The following FAR1 variants were observed in gnomAD, a reference collection of about 807,000 sequenced individuals.
FAR1 encodes fatty acyl-CoA reductase 1.
Under a neutral mutation model 61.1 loss-of-function variants are expected in FAR1, and 22 were observed. The ratio of observed to expected loss-of-function variants is 0.36; its 90% CI spans 0.26 to 0.51. The LOEUF is 0.51. Ranked by LOEUF, FAR1 falls within the 20% of genes least tolerant of loss-of-function variation. FAR1 has a pLI of 0.95. For synonymous variants in FAR1, 206 were observed against 209.7 expected (o/e 0.98, Z 0.15); for missense variants, 359 against 626.9 (o/e 0.57, Z 4.56).
At chr11:13,710,502 G>A (rs958739241) in intron 4 of FAR1, among the ~76,000 whole-genome samples, 191 bp from the exon 5 acceptor site, 2 of 152,036 alleles carry the variant, frequency 1.3e-5, no homozygotes, top group Non-Finnish European at 2.9e-5. Context: ...TACAGAAATT[G>A]CAGATAAGGG....
chr11:13,711,862 A>G lies in FAR1; in HGVS notation c.768+54A>G, dbSNP rs540440327. ...TTCTATACATTTTTCTGCTTTTTGT[A>G]TATCTTTAAATATATATACACTATG... On this transcript the variant is annotated intron_variant, in intron 6 of 11. Transcript: ENST00000354817. 1.5e-4 allele frequency: 230 copies of G among 1,542,352 alleles called. 2 individuals carry two copies. The South Asian group carries it at 2.2e-3, about 15-fold the overall frequency.
intron 3 of FAR1, among the ~76,000 whole-genome samples, chr11:13,701,317 TGATA>T (rs1409577827): frequency 1.3e-5 from 2 of 152,102 alleles, no homozygotes; most frequent in South Asian, 2.1e-4. Context: ...GTGTTTAAGA[TGATA>T]GATGTGCCAG....
chr11:13,696,197 C>G (rs1306959697), intron 2 of FAR1, among the ~76,000 whole-genome samples: 2 of 152,144 alleles, frequency 1.3e-5, no homozygotes, highest in African/African-American at 4.8e-5. Context: ...TAATTTTTCT[C>G]CTGATACTCC....
intron 9 of FAR1, among the ~76,000 whole-genome samples, chr11:13,717,990 G>T (rs1848573081): frequency 6.6e-6 from 1 of 152,054 alleles, no homozygotes; most frequent in African/African-American, 2.4e-5. Context: ...CCTATTAGAC[G>T]AAAGCCATAC....
At chr11:13,695,062 A>C in intron 2 of FAR1, 108 bp downstream of exon 2, 4 of 940,918 alleles carry the variant, frequency 4.3e-6, no homozygotes, top group Non-Finnish European at 5.8e-6. Context: ...TTCTGAAAAA[A>C]TTAGTAAAAC....
At chr11:13,728,510 G>T in intron 11 of FAR1, 102 bp from the exon 12 acceptor site, 1 of 1,041,802 alleles carries the variant, frequency 9.6e-7, no homozygotes, top group Non-Finnish European at 1.4e-6. Context: ...AAATTAATAT[G>T]GATTTGAGCT....
At chr11:13,723,788 C>G (rs1398854168) in intron 10 of FAR1, among the ~76,000 whole-genome samples, 1 of 152,154 alleles carries the variant, frequency 6.6e-6, no homozygotes, top group Non-Finnish European at 1.5e-5. Context: ...GATTCTGTGA[C>G]AGTCTGCCAG....
intron 8 of FAR1, among the ~76,000 whole-genome samples, chr11:13,713,527 T>A (rs1458256172): frequency 6.6e-6 from 1 of 152,156 alleles, no homozygotes; most frequent in East Asian, 1.9e-4. Context: ...TCACAGCAGA[T>A]ATACATGTTC....
At chr11:13,717,681 T>C (rs1042042844) in intron 9 of FAR1, among the ~76,000 whole-genome samples, 1 of 152,186 alleles carries the variant, frequency 6.6e-6, no homozygotes, top group Non-Finnish European at 1.5e-5. Context: ...TAAGGCCATA[T>C]AGTAAATATT....
chr11:13,707,477 T>G lies in FAR1; in HGVS notation c.366-423T>G, dbSNP rs890761879. Among the ~76,000 whole-genome samples the G allele has an allele frequency of 4.6e-5, 7 of 152,184 alleles. No individual in the cohort carries two copies. The South Asian group carries it at 1.0e-3, about 22-fold the overall frequency. On this transcript the variant is annotated intron_variant, in intron 3 of 11. Transcript: ENST00000354817. ...TGGCTGTATCACCCTTATTAGTGAC[T>G]CTACGTTAACATTTTAAAATTACTT...
Position 13,700,325 on chromosome 11 carries a change from C to A in FAR1, c.198C>A (p.Asp66Glu). The change falls in exon 3 of 12, where the codon GAC becomes GAA. Residue 66 changes from aspartate (D) to glutamate (E), a missense_variant. By Grantham distance (45) the Asp-to-Glu change is conservative. Transcript: ENST00000354817. ...VEEVLSGKLF[D>E]RLRDENPDFR... ...TTTTTCCCTCTTGATAGCTTTTTGA[C>A]AGATTGAGAGATGAAAATCCAGATT... 6.3e-7 allele frequency: 1 copy of A among 1,581,480 alleles called. No homozygotes were observed. The highest frequency in any genetic ancestry group is 1.9e-5 in the Admixed American group (1 of 52,094).
At chr11:13,672,744 T>A (rs994201282) in intron 1 of FAR1, among the ~76,000 whole-genome samples, 10 of 152,198 alleles carry the variant, frequency 6.6e-5, no homozygotes, top group African/African-American at 2.2e-4. Flanking sequence ...GGATTGTCAC[T>A]GATGGAAACT....
chr11:13,727,086 C>G (rs1409402406), intron 10 of FAR1, among the ~76,000 whole-genome samples: 1 of 152,016 alleles, frequency 6.6e-6, no homozygotes, highest in Non-Finnish European at 1.5e-5. Flanking sequence ...AGCCAGCTTT[C>G]ATAACATATC....
At chr11:13,719,087 A>G (rs1204605524) in intron 9 of FAR1, among the ~76,000 whole-genome samples, 1 of 152,116 alleles carries the variant, frequency 6.6e-6, no homozygotes, top group Non-Finnish European at 1.5e-5. Flanking sequence ...TGTTGGTTCT[A>G]AGTTATTTTC....
At chr11:13,679,131 T>C (rs866536113) in intron 1 of FAR1, among the ~76,000 whole-genome samples, 2 of 152,166 alleles carry the variant, frequency 1.3e-5, no homozygotes, top group African/African-American at 2.4e-5. Flanking sequence ...AAAAAAGATA[T>C]TGCAATTCTG....
At chr11:13,722,360 C>T (rs1361346606) in intron 10 of FAR1, among the ~76,000 whole-genome samples, 1 of 152,018 alleles carries the variant, frequency 6.6e-6, no homozygotes, top group Non-Finnish European at 1.5e-5. Flanking sequence ...TATTTATAGC[C>T]TCCTTCTTAA....
intron 4 of FAR1, among the ~76,000 whole-genome samples, chr11:13,709,316 A>T (rs1346878728): frequency 6.6e-6 from 1 of 152,088 alleles, no homozygotes; most frequent in Non-Finnish European, 1.5e-5. Context: ...TTTCTCACTC[A>T]TTTTCTTAGA....
intron 11 of FAR1, 67 bp downstream of exon 11, chr11:13,727,750 T>C: frequency 1.4e-6 from 2 of 1,443,062 alleles, no homozygotes; most frequent in South Asian, 1.3e-5. Context: ...ATTTTTTTGG[T>C]AAACTGGTAT....
At chr11:13,672,590 C>T (rs943200781) in intron 1 of FAR1, among the ~76,000 whole-genome samples, 4 of 150,484 alleles carry the variant, frequency 2.7e-5, no homozygotes, top group African/African-American at 9.8e-5. Flanking sequence ...TTAGTGGGGA[C>T]AAGCATTCAA....
Sources: gnomAD v4.1 joint callset for allele counts (sites outside exome capture counted in the v4.1 genomes callset) on GRCh38, gnomAD v4.1.1 for gene constraint, MANE v1.5 for transcripts, NCBI Gene and HGNC (gene_info 2026-07-23, HGNC 2026-07-21) for gene names.